The following ZNF280C variants were observed in gnomAD, a reference collection of about 807,000 sequenced individuals.
The protein encoded by ZNF280C is suppressor of hairy wing homolog 3.
Under a neutral mutation model 53.6 loss-of-function variants are expected in ZNF280C, and 14 were observed. The observed-to-expected ratio is 0.26, with a 90% CI of 0.17 to 0.41. The LOEUF is 0.41. Among genes scored for constraint, ZNF280C ranks in the 10% least tolerant of loss-of-function variants. ZNF280C has a pLI of 1.00. For missense variants in ZNF280C, 416 were observed against 547.1 expected, an observed-to-expected ratio of 0.76 and a Z score of 2.39; for synonymous variants, 203 against 181.1, an observed-to-expected ratio of 1.12 and a Z score of -0.97.
At chrX:130,208,600 C>T (rs1260351694) in intron 16 of ZNF280C, among the ~76,000 whole-genome samples, 1 of 111,987 alleles carries the variant, frequency 8.9e-6, no homozygotes, top group Middle Eastern at 4.6e-3. Flanking sequence ...AGAATTAAAT[C>T]TCTTTTCATT....
chrX:130,267,491 G>A (rs2032701873), intron 1 of ZNF280C, among the ~76,000 whole-genome samples: 1 of 111,509 alleles, frequency 9.0e-6, no homozygotes, highest in African/African-American at 3.3e-5. Context: ...CATGACCTCG[G>A]TAAAGTTCTG....
chrX:130,258,332 A>G (rs1247250358), intron 2 of ZNF280C, among the ~76,000 whole-genome samples: 1 of 111,621 alleles, frequency 9.0e-6, no homozygotes, highest in South Asian at 3.7e-4. Context: ...TCTACTTTTG[A>G]CTCAAAATTA....
chrX:130,250,933 CTACT>C (rs751477103), intron 2 of ZNF280C, among the ~76,000 whole-genome samples: 1 of 109,707 alleles, frequency 9.1e-6, no homozygotes, highest in South Asian at 4.0e-4. Flanking sequence ...ACCCCCATCT[CTACT>C]AAAATACAAA....
chrX:130,244,338 T>C (rs751652564), intron 3 of ZNF280C, among the ~76,000 whole-genome samples: 1 of 112,056 alleles, frequency 8.9e-6, no homozygotes, highest in South Asian at 3.7e-4. Flanking sequence ...CCATATGAAC[T>C]CCGTAACTTC....
chrX:130,251,774 G>C (rs1238716822), intron 2 of ZNF280C, among the ~76,000 whole-genome samples: 3 of 94,719 alleles, frequency 3.2e-5, no homozygotes, highest in Non-Finnish European at 6.2e-5. Context: ...GGGAGGCAGC[G>C]CCAGACTTCG....
chrX:130,215,104 C>A, intron 15 of ZNF280C, 89 bp downstream of exon 15: 1 of 1,033,790 alleles, frequency 9.7e-7, no homozygotes, highest in South Asian at 2.1e-5. Context: ...CTTGATGAGA[C>A]AAACTTGCTT....
chrX:130,206,360 A>AGT (rs1491153022), intron 16 of ZNF280C, among the ~76,000 whole-genome samples: 1 of 90,561 alleles, frequency 1.1e-5, no homozygotes, highest in African/African-American at 4.2e-5. Context: ...TGACTTCTTT[A>AGT]GTTTTTTTTT....
At chrX:130,265,049 T>C (rs903390542) in intron 1 of ZNF280C, among the ~76,000 whole-genome samples, 3 of 112,205 alleles carry the variant, frequency 2.7e-5, no homozygotes, top group African/African-American at 9.7e-5. Flanking sequence ...ATTTTCTTTG[T>C]CCAAGTTTTT....
intron 5 of ZNF280C, 45 bp from the exon 6 acceptor site, chrX:130,239,738 A>G: frequency 1.3e-6 from 1 of 781,674 alleles, no homozygotes; most frequent in South Asian, 2.3e-5. Flanking sequence ...TTTTATAGAG[A>G]TAAATTTAGC....
Position 130,255,141 on chromosome X carries a change from C to CTT in ZNF280C, c.31+5276_31+5277dup, listed in dbSNP as rs754125713. 6.6e-4 allele frequency among the ~76,000 whole-genome samples: 60 copies of CTT among 91,142 alleles called. 1 individual carries two copies. The highest frequency in any genetic ancestry group is 1.5e-3 in the African/African-American group (38 of 24,778). The allele number at this position is 91,142 out of a possible 115,157, so 79.1% of individuals were successfully genotyped here. ...TAGAAAAATCATTTTCTTTTTTTTT[C>CTT]TTTTTTTTTTTTTTTTTGAGACGGA... On this transcript the variant is annotated intron_variant, in intron 2 of 18. Coordinates refer to ENST00000370978, the MANE Select transcript of ZNF280C (RefSeq NM_017666.5).
chrX:130,258,059 A>G (rs1435349346), intron 2 of ZNF280C, among the ~76,000 whole-genome samples: 5 of 111,924 alleles, frequency 4.5e-5, no homozygotes, highest in Non-Finnish European at 9.4e-5. Context: ...CAGAGGTTGC[A>G]GTGAGCAGAG....
Position 130,204,803 on chromosome X carries a change from G to T in ZNF280C, c.*174C>A. The T allele has an allele frequency of 5.4e-6, 2 of 372,644 alleles. No homozygotes were observed. The highest frequency in any genetic ancestry group is 9.4e-6 in the Non-Finnish European group (2 of 213,681). 30.7% of individuals were successfully genotyped at this position (372,644 alleles called of 1,213,427 possible). On this transcript the variant is annotated 3_prime_UTR_variant, in exon 19 of 19. Coordinates refer to ENST00000370978, the MANE Select transcript of ZNF280C (RefSeq NM_017666.5). ...TATGTTAACCTGACGCAAAGATAAG[G>T]TGGAATAACAATGTAGTGGCATCTG...
chrX:130,212,196 C>T (rs773823278), intron 15 of ZNF280C, among the ~76,000 whole-genome samples: 2 of 111,303 alleles, frequency 1.8e-5, no homozygotes, highest in South Asian at 3.8e-4. Context: ...CAAATGATGC[C>T]CTGAAACAGA....
At chrX:130,249,403 G>C (rs2032483866) in intron 2 of ZNF280C, among the ~76,000 whole-genome samples, 1 of 112,161 alleles carries the variant, frequency 8.9e-6, no homozygotes, top group Non-Finnish European at 1.9e-5. Flanking sequence ...AGTTTGGCTG[G>C]CATCACCCAT....
intron 11 of ZNF280C, 77 bp from the exon 12 acceptor site, chrX:130,226,982 G>A: frequency 3.0e-6 from 3 of 992,037 alleles, no homozygotes; most frequent in Non-Finnish European, 4.1e-6. Context: ...AGCAATAACG[G>A]GTCATCTGTT....
chrX:130,228,021 G>C (rs931384524), intron 10 of ZNF280C, among the ~76,000 whole-genome samples: 1 of 111,651 alleles, frequency 9.0e-6, no homozygotes, highest in South Asian at 3.7e-4. Context: ...GGAACCAGAA[G>C]CACAGAAAAA....
At position 130,209,723 on chromosome X, in the gene ZNF280C, A is replaced by G. The variant is rs1240661356; in HGVS notation, c.1980-8T>C. 1.7e-6 allele frequency: 2 copies of G among 1,187,892 alleles called. No homozygotes were observed. Among genetic ancestry groups the G allele is most frequent in the Admixed American group, 4.6e-5 (2 of 43,570 alleles). On this transcript the variant is annotated splice_polypyrimidine_tract_variant and splice_region_variant and intron_variant, in intron 15 of 18. Transcript: ENST00000370978. ...GGATGGTTGCTATGAGAGCTGGAGA[A>G]ACACGAGACAAACAAGATTTTATTA...
intron 5 of ZNF280C, among the ~76,000 whole-genome samples, chrX:130,242,794 G>A (rs2032407783): frequency 9.0e-6 from 1 of 111,437 alleles, no homozygotes; most frequent in Admixed American, 9.5e-5. Flanking sequence ...CACCCACCTC[G>A]GCCTCCCAAA....
At chrX:130,220,529 T>A (rs756536170) in intron 12 of ZNF280C, 49 bp from the exon 13 acceptor site, 2 of 1,104,649 alleles carry the variant, frequency 1.8e-6, no homozygotes, top group Non-Finnish European at 2.4e-6. Context: ...CCACAAATCC[T>A]AGGAGCTGAA....
Sources: gnomAD v4.1 joint callset for allele counts (sites outside exome capture counted in the v4.1 genomes callset) on GRCh38, gnomAD v4.1.1 for gene constraint, MANE v1.5 for transcripts, NCBI Gene and HGNC (gene_info 2026-07-23, HGNC 2026-07-21) for gene names.